FRY: variants seen among roughly 807,000 people sequenced by gnomAD.
The protein encoded by FRY is protein furry homolog.
A neutral mutation model predicts 348.4 loss-of-function variants in FRY; 128 were observed. The observed-to-expected ratio is 0.37, with a 90% confidence interval of 0.32 to 0.43. The LOEUF (loss-of-function observed/expected upper bound fraction) is 0.43, where lower values mean the gene tolerates loss of function less well. Among genes scored for constraint, FRY ranks in the 20% least tolerant of loss-of-function variants. The probability of loss-of-function intolerance (pLI) is 1.00; values close to 1 mark genes in which losing one functional copy is unlikely to be tolerated. For synonymous variants in FRY, 1,370 were observed against 1,374.7 expected (o/e 1.00, Z 0.08); for missense variants, 2,736 against 3,695.2 (o/e 0.74, Z 6.73).
At chr13:32,246,600 G>T (rs1401491721) in intron 47 of FRY, among the ~76,000 whole-genome samples, 1 of 152,204 alleles carries the variant, frequency 6.6e-6, no homozygotes, top group Admixed American at 6.5e-5. Flanking sequence ...GTCTGTGAAG[G>T]AGTTTAGTCA....
At chr13:32,265,662 A>G (rs1169101909) in intron 54 of FRY, 46 bp downstream of exon 54, 8 of 1,560,816 alleles carry the variant, frequency 5.1e-6, no homozygotes, top group African/African-American at 1.4e-5. Flanking sequence ...TGTGCATGGT[A>G]CATTATATGG....
rs146409477 is a variant in FRY, at chr13:32,289,157, C to T, written c.8470-476C>T. Among the ~76,000 whole-genome samples the T allele has an allele frequency of 3.9e-3, 601 of 152,218 alleles. 7 individuals are homozygous for T. The highest frequency in any genetic ancestry group is 0.012 in the African/African-American group (508 of 41,536). On this transcript the variant is annotated intron_variant, in intron 58 of 60. Coordinates refer to ENST00000542859, the MANE Select transcript of FRY (RefSeq NM_023037.3). ...AAGTATTTACTGAGCACAGAGTAGA[C>T]GGATCATCAGTAAGCCTGACTGTTA...
chr13:32,149,945 A>G (rs1880698924), intron 14 of FRY, 111 bp downstream of exon 14: 1 of 729,714 alleles, frequency 1.4e-6, no homozygotes, highest in African/African-American at 1.8e-5. Context: ...AAAGTCTTCT[A>G]TTTGTTTCTG....
intron 1 of FRY, among the ~76,000 whole-genome samples, chr13:32,039,734 C>T (rs1312902593): frequency 6.6e-6 from 1 of 152,102 alleles, no homozygotes. Context: ...ACTGTTTAGT[C>T]ATTTGATGAG....
chr13:32,228,777 C>A, intron 40 of FRY, 123 bp downstream of exon 40: 2 of 808,806 alleles, frequency 2.5e-6, no homozygotes, highest in Non-Finnish European at 4.3e-6. Context: ...TTTCTCTTCT[C>A]AATTGCAACT....
rs139715237 is a variant in FRY at position 32,103,138 on chromosome 13, G to A, written c.324+1122G>A. On this transcript the variant is annotated intron_variant, in intron 3 of 60. Transcript: ENST00000542859. ...TTATGCTCACAGCCAGCCCTGCAAC[G>A]GTGGCGTGGCTCTGGGCTAGCTCTG... Among the ~76,000 whole-genome samples, 5 of 152,324 alleles carry A rather than the reference G, an allele frequency of 3.3e-5. No individual in the cohort carries two copies. The East Asian group carries it at 7.7e-4, about 24-fold the overall frequency.
Position 32,194,997 on chromosome 13 carries a change from T to C in FRY, c.3746+700T>C, listed in dbSNP as rs370035324. 1.3e-4 allele frequency among the ~76,000 whole-genome samples: 20 copies of C among 152,296 alleles called. No homozygotes were observed. In the East Asian group the frequency reaches 1.9e-3, roughly 15 times the overall value. On this transcript the variant is annotated intron_variant, in intron 29 of 60. Coordinates refer to ENST00000542859, the MANE Select transcript of FRY (RefSeq NM_023037.3). ...GTGTCAATTTTCCTTTTTAATTAAATGTTGCACTTTAAATAGCTATCTTGA... is the reference window on the plus strand; with the variant it reads ...GTGTCAATTTTCCTTTTTAATTAAACGTTGCACTTTAAATAGCTATCTTGA...
intron 59 of FRY, among the ~76,000 whole-genome samples, chr13:32,290,723 A>G (rs1387748889): frequency 6.6e-6 from 1 of 152,090 alleles, no homozygotes. Context: ...AATAGTTCAA[A>G]CAGAAGGAGA....
intron 3 of FRY, among the ~76,000 whole-genome samples, chr13:32,112,628 A>T (rs1223859681): frequency 6.6e-6 from 1 of 152,250 alleles, no homozygotes; most frequent in African/African-American, 2.4e-5. Context: ...TGAATTGCAG[A>T]TCATTTGCCC....
rs748193782 is a variant in FRY, at chr13:32,031,789, C to T, written c.-7C>T. ...CCGTCCTCCCAGCCTCTTTGTATGC[C>T]GCAGACATGGCCAGCCAGCAGGATT... On this transcript the variant is annotated 5_prime_UTR_variant, in exon 1 of 61. Coordinates refer to ENST00000542859, the MANE Select transcript of FRY (RefSeq NM_023037.3). 5.6e-6 allele frequency: 9 copies of T among 1,596,928 alleles called. No individual in the cohort carries two copies. In the African/African-American group the frequency reaches 9.4e-5, roughly 17 times the overall value.
intron 51 of FRY, among the ~76,000 whole-genome samples, chr13:32,256,903 C>A (rs1471545426): frequency 6.6e-6 from 1 of 152,198 alleles, no homozygotes; most frequent in Non-Finnish European, 1.5e-5. Flanking sequence ...GACATCACAA[C>A]TGAAAGATTC....
intron 46 of FRY, among the ~76,000 whole-genome samples, chr13:32,240,828 C>T (rs9285089): frequency 0.024 from 3,675 of 152,244 alleles, 150 homozygotes; most frequent in African/African-American, 0.083. Flanking sequence ...TTTATATCAT[C>T]AATCCAGATG....
intron 3 of FRY, among the ~76,000 whole-genome samples, chr13:32,108,850 T>C (rs1212109320): frequency 6.6e-6 from 1 of 152,236 alleles, no homozygotes; most frequent in Non-Finnish European, 1.5e-5. Context: ...GCTTTAGTTT[T>C]CCATTGTAAA....
intron 1 of FRY, among the ~76,000 whole-genome samples, chr13:32,064,054 T>A (rs774401585): frequency 3.9e-5 from 6 of 152,210 alleles, no homozygotes; most frequent in Non-Finnish European, 8.8e-5. Context: ...CTTGCCCTTG[T>A]TGCAGTTAAG....
chr13:32,260,835 A>G (rs1432840980), intron 51 of FRY, among the ~76,000 whole-genome samples: 1 of 151,896 alleles, frequency 6.6e-6, no homozygotes, highest in African/African-American at 2.4e-5. Context: ...GAAAAAAACA[A>G]AAAAACAGTA....
At chr13:32,252,023 G>A in intron 50 of FRY, 71 bp downstream of exon 50, 2 of 1,055,620 alleles carry the variant, frequency 1.9e-6, no homozygotes, top group South Asian at 1.3e-5. Flanking sequence ...TTTTGCCTTT[G>A]GTCATATAAT....
intron 15 of FRY, among the ~76,000 whole-genome samples, chr13:32,156,541 C>T (rs1881125650): frequency 6.9e-6 from 1 of 144,710 alleles, no homozygotes; most frequent in Non-Finnish European, 1.5e-5. Flanking sequence ...ACGGAGGTTG[C>T]AGTCAGCCAA....
chr13:32,274,644 C>T (rs1888415618), intron 55 of FRY, among the ~76,000 whole-genome samples, 198 bp from the exon 56 acceptor site: 1 of 131,368 alleles, frequency 7.6e-6, no homozygotes. Context: ...GGGGAGCTTG[C>T]AGTGAGCCGA....
At position 32,237,826 on chromosome 13, in the gene FRY, G is replaced by GA. The variant is rs762897259; in HGVS notation, c.6261dup (p.Leu2088ThrfsTer70). The GA allele has an allele frequency of 6.2e-7, 1 of 1,614,212 alleles. No individual in the cohort carries two copies. The highest frequency in any genetic ancestry group is 1.1e-5 in the South Asian group (1 of 91,084). ...AGGCTGAGAACCGAGAAAAGCTTGA[G>GA]AAACTCCAGGCACAGCTGAAGTGGG... On this transcript the variant is annotated frameshift_variant, in exon 44 of 61. Coordinates refer to ENST00000542859, the MANE Select transcript of FRY (RefSeq NM_023037.3). LOFTEE classifies it high-confidence loss of function. This position sits in a 1 kb window ranked among gnomAD's most constrained non-coding sequence, Gnocchi z 6.3.
Sources: allele counts gnomAD v4.1 joint callset (sites outside exome capture counted in the v4.1 genomes callset), GRCh38; gene constraint gnomAD v4.1.1; non-coding constraint Gnocchi (gnomAD v3.1); transcripts MANE v1.5; gene names NCBI Gene and HGNC (gene_info 2026-07-23, HGNC 2026-07-21).